The following MPP1 variants were observed in gnomAD, a reference collection of about 807,000 sequenced individuals.
MPP1 encodes MAGUK p55 scaffold protein 1, also known as 55 kDa erythrocyte membrane protein.
Under a neutral mutation model 38.2 loss-of-function variants are expected in MPP1, and 6 were observed. The ratio of observed to expected loss-of-function variants is 0.16; its 90% CI spans 0.09 to 0.31. The LOEUF (loss-of-function observed/expected upper bound fraction) is 0.31, where lower values mean the gene tolerates loss of function less well. Among genes scored for constraint, MPP1 ranks in the 10% least tolerant of loss-of-function variants. MPP1 has a pLI of 1.00. For missense variants in MPP1, 293 were observed against 368.9 expected, an observed-to-expected ratio of 0.79 and a Z score of 1.69; for synonymous variants, 153 against 146.3, an observed-to-expected ratio of 1.05 and a Z score of -0.33.
intron 1 of MPP1, among the ~76,000 whole-genome samples, chrX:154,798,620 G>A (rs1331997796): frequency 8.9e-6 from 1 of 112,519 alleles, no homozygotes; most frequent in African/African-American, 3.2e-5. Context: ...CGGGGATGGG[G>A]TAGGGAGGAA....
At chrX:154,788,000 G>A in intron 5 of MPP1, among the ~76,000 whole-genome samples, 1 of 112,411 alleles carries the variant, frequency 8.9e-6, no homozygotes, top group Admixed American at 9.4e-5. Context: ...GTATCCATAT[G>A]GAAAAACTGG....
intron 1 of MPP1, among the ~76,000 whole-genome samples, chrX:154,799,152 G>A (rs1213007120): frequency 2.7e-5 from 3 of 112,272 alleles, no homozygotes; most frequent in African/African-American, 9.7e-5. Flanking sequence ...AAAAGTTCAA[G>A]AGTTGCCATC....
intron 5 of MPP1, among the ~76,000 whole-genome samples, chrX:154,786,946 G>A (rs112027316): frequency 0.039 from 4,039 of 102,873 alleles, 97 homozygotes; most frequent in Non-Finnish European, 0.061. Flanking sequence ...ATCTTTCCAC[G>A]TCAACGTGTC....
At chrX:154,786,160 TGTG>T in intron 6 of MPP1, 41 bp downstream of exon 6, 1 of 1,097,659 alleles carries the variant, frequency 9.1e-7, no homozygotes, top group Non-Finnish European at 1.2e-6. Flanking sequence ...CTAAGTTATT[TGTG>T]GCAGGCACAT....
Position 154,783,517 on chromosome X carries a change from G to C in MPP1, c.866-10C>G, listed in dbSNP as rs782746870. ...CCCACCCCACTGGCTCCTGTGTAGA[G>C]AGAGAAGAACATCTTTTGGAAAGGG... On this transcript the variant is annotated splice_polypyrimidine_tract_variant and intron_variant, in intron 8 of 11. Coordinates refer to ENST00000369534, the MANE Select transcript of MPP1 (RefSeq NM_002436.4). 8.4e-7 allele frequency: 1 copy of C among 1,188,457 alleles called. No individual in the cohort carries two copies. Among genetic ancestry groups the C allele is most frequent in the African/African-American group, 1.8e-5 (1 of 57,002 alleles).
intron 1 of MPP1, among the ~76,000 whole-genome samples, chrX:154,801,237 G>C (rs1287070019): frequency 2.7e-5 from 3 of 112,212 alleles, no homozygotes; most frequent in Admixed American, 1.9e-4. Flanking sequence ...AGAATTATCA[G>C]ACCCAAAGTG....
In MPP1 at chrX:154,805,357, C is replaced by T. The variant is rs2072310558; in HGVS notation, c.17G>A (p.Ser6Asn). Reference sequence around the variant, plus strand: ...CATGCTGCCCCCACTCTCGCCCTCGCTCGCCTTGAGGGTCATCTCGCAGAA... The same window carrying T: ...CATGCTGCCCCCACTCTCGCCCTCGTTCGCCTTGAGGGTCATCTCGCAGAA... MTLKA[S>N]EGESGGSMHT... The change falls in exon 1 of 12, where the codon AGC becomes AAC. Residue 6 changes from serine to asparagine, a missense_variant. Coordinates refer to ENST00000369534, the MANE Select transcript of MPP1 (RefSeq NM_002436.4). 8.3e-7 allele frequency: 1 copy of T among 1,201,487 alleles called. No homozygotes were observed. Among genetic ancestry groups the T allele is most frequent in the Non-Finnish European group, 1.1e-6 (1 of 889,624 alleles).
chrX:154,801,758 C>CTAAA (rs2072264216), intron 1 of MPP1, among the ~76,000 whole-genome samples: 1 of 6,851 alleles, frequency 1.5e-4, no homozygotes, highest in Non-Finnish European at 2.2e-4. Context: ...AACTCTGTCT[C>CTAAA]AAAAAAAAAA....
At chrX:154,784,545 C>T (rs972426140) in intron 7 of MPP1, among the ~76,000 whole-genome samples, 2 of 111,116 alleles carry the variant, frequency 1.8e-5, no homozygotes, top group African/African-American at 6.6e-5. Context: ...ACTCTCCACC[C>T]CCTTACCTGC....
chrX:154,786,371 A>G lies in MPP1; in HGVS notation c.510T>C (p.Asp170=). The G allele has an allele frequency of 8.3e-7, 1 of 1,211,268 alleles. No individual in the cohort carries two copies. The highest frequency in any genetic ancestry group is 1.8e-5 in the South Asian group (1 of 56,964). Residue 170 remains aspartate (D), a synonymous_variant, in exon 6 of 12, where the codon GAT becomes GAC. Transcript: ENST00000369534. ...QMFMRAQFDY[D]PKKDNLIPCK... ...AAGGGATCAGATTGTCCTTTTTGGG[A>G]TCATAGTCAAACTGCGCTCTCATGA...
At chrX:154,794,412 C>T (rs1316888025) in intron 1 of MPP1, among the ~76,000 whole-genome samples, 1 of 111,577 alleles carries the variant, frequency 9.0e-6, no homozygotes, top group Non-Finnish European at 1.9e-5. Context: ...TGAAAATGCT[C>T]CCTGCCCACC....
intron 9 of MPP1, 74 bp downstream of exon 9, chrX:154,783,353 A>T: frequency 1.5e-5 from 8 of 525,847 alleles, no homozygotes; most frequent in Non-Finnish European, 2.3e-5. Flanking sequence ...ATAATAAAAT[A>T]ACACTATGGT....
At chrX:154,786,110 A>T in intron 6 of MPP1, 94 bp downstream of exon 6, 3 of 847,037 alleles carry the variant, frequency 3.5e-6, no homozygotes, top group Non-Finnish European at 5.0e-6. Context: ...TCCTTGGTTG[A>T]GAAACAGAAA....
Position 154,781,626 on chromosome X carries a change from T to C in MPP1, c.1123A>G (p.Ile375Val). Reference protein sequence around the residue: ...TVHQIHKQNKIAILDIEPQTL... With the variant: ...TVHQIHKQNKVAILDIEPQTL... ...TGGGGCTCAATGTCAAGGATGGCAA[T>C]CTTGTTCTGCTTATGGATCTGGTGC... Residue 375 changes from isoleucine (I) to valine (V), a missense_variant, in exon 10 of 12, where the codon ATT (isoleucine) becomes GTT (valine). By Grantham distance (29) the Ile-to-Val change is conservative. Coordinates refer to ENST00000369534, the MANE Select transcript of MPP1 (RefSeq NM_002436.4). The C allele has an allele frequency of 6.6e-6, 8 of 1,211,191 alleles. No individual in the cohort carries two copies. The highest frequency in any genetic ancestry group is 8.9e-6 in the Non-Finnish European group (8 of 895,512).
intron 1 of MPP1, among the ~76,000 whole-genome samples, chrX:154,798,658 G>GGA (rs1432129875): frequency 1.7e-4 from 19 of 112,373 alleles, no homozygotes; most frequent in Middle Eastern, 4.6e-3. Flanking sequence ...AGCGACAGCA[G>GGA]GAGAGAGGCC....
chrX:154,779,243 T>C lies in MPP1; in HGVS notation c.1335A>G (p.Lys445=). The C allele has an allele frequency of 8.3e-7, 1 of 1,211,634 alleles. No individual in the cohort carries two copies. Among genetic ancestry groups the C allele is most frequent in the Non-Finnish European group, 1.1e-6 (1 of 895,452 alleles). ...VNNGVDETLK[K]LQEAFDQACS... ...ACGCTTGGTCGAAGGCTTCTTGTAA[T>C]TTCTTAAGGGTTTCATCAACACCAT... is the stretch of plus-strand genomic sequence containing the variant. The change falls in exon 12 of 12, where the codon AAA becomes AAG. Residue 445 remains lysine, a synonymous_variant. Coordinates refer to ENST00000369534, the MANE Select transcript of MPP1 (RefSeq NM_002436.4).
At chrX:154,781,206 G>A in intron 11 of MPP1, 33 bp downstream of exon 11, 1 of 1,158,099 alleles carries the variant, frequency 8.6e-7, no homozygotes, top group Non-Finnish European at 1.2e-6. Flanking sequence ...CCCGGAGAAA[G>A]TGAACTACCC....
intron 9 of MPP1, 91 bp from the exon 10 acceptor site, chrX:154,781,893 T>C: frequency 3.4e-6 from 3 of 890,125 alleles, no homozygotes; most frequent in Non-Finnish European, 1.6e-6. Context: ...AAACCCTAGC[T>C]GCCTTTGGTG....
In MPP1 at chrX:154,781,781, T is replaced by A; in HGVS notation, c.968A>T (p.Lys323Met). The change falls in exon 10 of 12, where the codon AAG becomes ATG. Residue 323 changes from lysine (K) to methionine (M), a missense_variant. Lys to Met is a moderately conservative substitution (Grantham distance 95). Coordinates refer to ENST00000369534, the MANE Select transcript of MPP1 (RefSeq NM_002436.4). ...PVPYTTRPPR[K>M]SEEDGKEYHF... ...GTACTCCTTCCCATCTTCCTCACTCTTCCTTGGCGGCCGTGTTGTATCTGT... is the reference window on the plus strand; with the variant it reads ...GTACTCCTTCCCATCTTCCTCACTCATCCTTGGCGGCCGTGTTGTATCTGT... The A allele has an allele frequency of 1.7e-6, 2 of 1,211,610 alleles. No individual in the cohort carries two copies. Among genetic ancestry groups the A allele is most frequent in the Non-Finnish European group, 2.2e-6 (2 of 895,240 alleles).
Sources: gnomAD v4.1 joint callset for allele counts (sites outside exome capture counted in the v4.1 genomes callset) on GRCh38, gnomAD v4.1.1 for gene constraint, MANE v1.5 for transcripts, NCBI Gene and HGNC (gene_info 2026-07-23, HGNC 2026-07-21) for gene names.